The following KCNT1 variants were observed in gnomAD, a reference collection of about 807,000 sequenced individuals.
KCNT1 encodes the protein potassium sodium-activated channel subfamily T member 1.
KCNT1 carries 78 observed loss-of-function variants against 147.8 expected under a neutral mutation model. That is an observed-to-expected ratio of 0.53 (90% CI 0.44 to 0.64). The LOEUF (loss-of-function observed/expected upper bound fraction) is 0.64. KCNT1 is among the 30% of genes least tolerant of loss of function. The pLI, the probability that KCNT1 is intolerant of heterozygous loss-of-function variation, is 0.00. For synonymous variants in KCNT1, 867 were observed against 748.8 expected (o/e 1.16, Z -2.58); for missense variants, 1,419 against 1,750.3 (o/e 0.81, Z 3.38).
At chr9:135,779,783 T>G (rs1473566799) in intron 24 of KCNT1, among the ~76,000 whole-genome samples, 1 of 152,228 alleles carries the variant, frequency 6.6e-6, no homozygotes, top group Non-Finnish European at 1.5e-5. Flanking sequence ...TGTCCTGGCA[T>G]GGTCAGTTGG....
At chr9:135,724,123 C>T (rs1836033329) in intron 2 of KCNT1, among the ~76,000 whole-genome samples, 1 of 152,220 alleles carries the variant, frequency 6.6e-6, no homozygotes, top group African/African-American at 2.4e-5. Context: ...GGGATCCAGG[C>T]TCAGAGGCTC....
Position 135,772,704 on chromosome 9 carries a change from C to G in KCNT1, c.2009-11C>G. ...AGTCGGGCTGTGGCCAAGCACAGGG[C>G]TCTCTTCCAGGGACAGTGGCCATGG... On this transcript the variant is annotated splice_polypyrimidine_tract_variant and intron_variant, in intron 18 of 30. Transcript: ENST00000371757. The G allele has an allele frequency of 7.3e-7, 1 of 1,369,710 alleles. No individual in the cohort carries two copies. Among genetic ancestry groups the G allele is most frequent in the Non-Finnish European group, 9.5e-7 (1 of 1,056,466 alleles). The allele number at this position is 1,369,710 out of a possible 1,614,324, so 84.8% of individuals were successfully genotyped here. A position where few individuals can be genotyped will look rare whatever the true frequency, so the allele number is the denominator to read the frequency against.
rs115148606 is a variant in KCNT1, at chr9:135,712,057, G to A, written c.111-2520G>A. Among the ~76,000 whole-genome samples the A allele has an allele frequency of 3.9e-5, 6 of 152,302 alleles. No individual in the cohort carries two copies. In the East Asian group the frequency reaches 5.8e-4, roughly 15 times the overall value. On this transcript the variant is annotated intron_variant, in intron 1 of 30. Transcript: ENST00000371757. Reference sequence around the variant, plus strand: ...GGGCCAGGACTGAACTCATGCCAGCGGGACTCTTGCCACTCTCTGGGCCTG... The same window carrying A: ...GGGCCAGGACTGAACTCATGCCAGCAGGACTCTTGCCACTCTCTGGGCCTG...
At chr9:135,783,692 G>A (rs980308911) in intron 24 of KCNT1, among the ~76,000 whole-genome samples, 5 of 152,206 alleles carry the variant, frequency 3.3e-5, no homozygotes, top group African/African-American at 1.2e-4. Flanking sequence ...AGGAGGATTT[G>A]GAATTTCGGG....
intron 19 of KCNT1, among the ~76,000 whole-genome samples, chr9:135,774,021 G>C (rs367878349): frequency 6.5e-4 from 98 of 150,490 alleles, no homozygotes; most frequent in African/African-American, 2.3e-3. Context: ...GGGTGTGCAA[G>C]GGGGGTGTGT....
At position 135,750,823 on chromosome 9, in the gene KCNT1, G is replaced by A. The variant is rs1363038505; in HGVS notation, c.335-119G>A. 4.8e-5 allele frequency: 41 copies of A among 846,832 alleles called. 1 individual carries two copies. The highest frequency in any genetic ancestry group is 4.4e-4 in the South Asian group (31 of 69,830). 52.5% of individuals were successfully genotyped at this position (846,832 alleles called of 1,614,324 possible). On this transcript the variant is annotated intron_variant, in intron 3 of 30. Transcript: ENST00000371757. ...CACACAGAGCTCTGCGTGCAGCCCGGGTGTGGGAGGGGAGCCCAGCTGGGG... is the reference window on the plus strand; with the variant it reads ...CACACAGAGCTCTGCGTGCAGCCCGAGTGTGGGAGGGGAGCCCAGCTGGGG...
intron 13 of KCNT1, among the ~76,000 whole-genome samples, chr9:135,766,296 G>C (rs1316394213): frequency 6.6e-6 from 1 of 151,942 alleles, no homozygotes; most frequent in Non-Finnish European, 1.5e-5. Flanking sequence ...GACTGTCCAG[G>C]GTGGACCATC....
At chr9:135,781,053 GC>G in intron 24 of KCNT1, among the ~76,000 whole-genome samples, 1 of 152,328 alleles carries the variant, frequency 6.6e-6, no homozygotes, top group South Asian at 2.1e-4. Flanking sequence ...CCCACGCTCC[GC>G]CCCGCCGTGG....
In KCNT1 at chr9:135,714,741, G is replaced by C. The variant is rs1166896898; in HGVS notation, c.254+21G>C. 4 of 1,288,696 alleles carry C rather than the reference G, an allele frequency of 3.1e-6. No individual in the cohort carries two copies. The highest frequency in any genetic ancestry group is 6.5e-5 in the Admixed American group (2 of 30,996). 79.8% of individuals were successfully genotyped at this position (1,288,696 alleles called of 1,614,324 possible). ...GACAGGTAGGGACCGGGCGCGGGGT[G>C]GGGGCTGGGGTCGCCGTCCCGGCGC... On this transcript the variant is annotated intron_variant, in intron 2 of 30. Coordinates refer to ENST00000371757, the MANE Select transcript of KCNT1 (RefSeq NM_020822.3). The surrounding 1 kb of genome is among the most constrained non-coding windows in gnomAD (Gnocchi z 6.2).
chr9:135,754,497 G>A (rs908504934), intron 5 of KCNT1, among the ~76,000 whole-genome samples: 2 of 152,160 alleles, frequency 1.3e-5, no homozygotes, highest in African/African-American at 2.4e-5. Context: ...AGGTGACTGC[G>A]GGGCAACTGG....
Position 135,784,927 on chromosome 9 carries a change from CCT to C in KCNT1, c.3156+39_3156+40del, listed in dbSNP as rs746919696. Reference sequence around the variant, plus strand: ...CCTGGGGGCTGGGACTGTGGCAGCCCCTGTCCTGTGTGACCCACAGCATCCCC... The same window carrying C: ...CCTGGGGGCTGGGACTGTGGCAGCCCGTCCTGTGTGACCCACAGCATCCCC... On this transcript the variant is annotated intron_variant, in intron 27 of 30. Transcript: ENST00000371757. The C allele has an allele frequency of 4.4e-6, 7 of 1,602,200 alleles. No homozygotes were observed. In the Admixed American group the frequency reaches 8.4e-5, roughly 19 times the overall value.
chr9:135,702,549 C>T (rs1333261779), intron 1 of KCNT1, among the ~76,000 whole-genome samples, 181 bp downstream of exon 1: 1 of 152,126 alleles, frequency 6.6e-6, no homozygotes, highest in Non-Finnish European at 1.5e-5. Flanking sequence ...CAGGGTGGGC[C>T]GCACTAATCA....
rs963327326 is a variant in KCNT1, at chr9:135,792,951, C to T, written c.*790C>T. On this transcript the variant is annotated 3_prime_UTR_variant, in exon 31 of 31. Coordinates refer to ENST00000371757, the MANE Select transcript of KCNT1 (RefSeq NM_020822.3). ...AAAGCAAAGCCTCATTTTCTAAACC[C>T]CTGACTTGTGAAGCACAATTCAGCC... The T allele has an allele frequency of 6.6e-6, 1 of 152,198 alleles. No individual in the cohort carries two copies. Among genetic ancestry groups the T allele is most frequent in the African/African-American group, 2.4e-5 (1 of 41,442 alleles). The allele number at this position is 152,198 out of a possible 1,614,324, so 9.4% of individuals were successfully genotyped here.
chr9:135,768,530 T>C, intron 13 of KCNT1, 80 bp from the exon 14 acceptor site: 1 of 1,131,806 alleles, frequency 8.8e-7, no homozygotes, highest in Non-Finnish European at 1.3e-6. Context: ...GAGGAGGTCC[T>C]CCCCACCTCA....
At chr9:135,741,664 TA>T (rs944521155) in intron 2 of KCNT1, among the ~76,000 whole-genome samples, 1 of 152,118 alleles carries the variant, frequency 6.6e-6, no homozygotes, top group African/African-American at 2.4e-5. Flanking sequence ...CTGCTAGGGC[TA>T]GGGGCACCAG....
rs771187830 is a variant in KCNT1, at chr9:135,786,531, C to T, written c.3502+10C>T. 1.2e-5 allele frequency: 19 copies of T among 1,579,138 alleles called. No homozygotes were observed. In the South Asian group the frequency reaches 1.8e-4, roughly 15 times the overall value. On this transcript the variant is annotated intron_variant, in intron 29 of 30. Transcript: ENST00000371757. ...CCCACCACCGGCTACGGTAAGGGCA[C>T]ACGGCGCGGGTGGGGGCCGGACGGA...
chr9:135,702,796 C>T (rs1046519599), intron 1 of KCNT1, among the ~76,000 whole-genome samples: 3 of 152,082 alleles, frequency 2.0e-5, no homozygotes, highest in Non-Finnish European at 2.9e-5. Flanking sequence ...GTGGGGTGCC[C>T]GGCGAGGTTA....
At position 135,714,778 on chromosome 9, in the gene KCNT1, C is replaced by A; in HGVS notation, c.254+58C>A. The A allele has an allele frequency of 8.8e-7, 1 of 1,133,566 alleles. No homozygotes were observed. Among genetic ancestry groups the A allele is most frequent in the South Asian group, 3.4e-5 (1 of 29,300 alleles). The allele number at this position is 1,133,566 out of a possible 1,614,324, so 70.2% of individuals were successfully genotyped here. The stretch of plus-strand genomic sequence containing the variant: ...CGCCGTCCCGGCGCCGCCGCACGCC[C>A]GGAGCTGTCCGCGGTGCTGACGGCC... On this transcript the variant is annotated intron_variant, in intron 2 of 30. Coordinates refer to ENST00000371757, the MANE Select transcript of KCNT1 (RefSeq NM_020822.3). The surrounding 1 kb of genome is among the most constrained non-coding windows in gnomAD (Gnocchi z 6.2).
rs1322105683 is a variant in KCNT1 at position 135,783,179 on chromosome 9, G to A, written c.2842-845G>A. 2.0e-5 allele frequency among the ~76,000 whole-genome samples: 3 copies of A among 152,226 alleles called. No individual in the cohort carries two copies. The South Asian group carries it at 6.2e-4, about 32-fold the overall frequency. On this transcript the variant is annotated intron_variant, in intron 24 of 30. Transcript: ENST00000371757. ...GATGTACCGCCTCACGTGACAGAAG[G>A]GCCTCTGCAGATGGGATTAAGTCAC...
Sources: gnomAD v4.1 joint callset for allele counts (sites outside exome capture counted in the v4.1 genomes callset) on GRCh38, gnomAD v4.1.1 for gene constraint, Gnocchi (gnomAD v3.1) non-coding constraint, MANE v1.5 for transcripts, NCBI Gene and HGNC (gene_info 2026-07-23, HGNC 2026-07-21) for gene names.